DLG2: variants seen among roughly 807,000 people sequenced by gnomAD.
The protein encoded by DLG2 is discs large MAGUK scaffold protein 2, also known as disks large homolog 2.
A neutral mutation model predicts 132.5 loss-of-function variants in DLG2; 45 were observed. That is an observed-to-expected ratio of 0.34 (90% confidence interval 0.27 to 0.44). The LOEUF is 0.44. Among genes scored for constraint, DLG2 ranks in the 20% least tolerant of loss-of-function variants. The probability of loss-of-function intolerance (pLI) is 1.00; values close to 1 mark genes in which losing one functional copy is unlikely to be tolerated. For missense variants in DLG2, 1,045 were observed against 1,196.9 expected, an observed-to-expected ratio of 0.87 and a Z score of 1.87; for synonymous variants, 424 against 419.6, an observed-to-expected ratio of 1.01 and a Z score of -0.13.
In DLG2 at chr11:84,921,372, T is replaced by C. The variant is rs2092750153; in HGVS notation, c.357+190289A>G. Among the ~76,000 whole-genome samples the C allele has an allele frequency of 2.6e-5, 4 of 152,170 alleles. No homozygotes were observed. The South Asian group carries it at 8.3e-4, about 31-fold the overall frequency. On this transcript the variant is annotated intron_variant, in intron 6 of 27. Transcript: ENST00000376104. ...TGCATATGGTCTCAATTTCTATCAA[T>C]CAATACATAAGAAGTATATCTCAGT...
intron 4 of DLG2, among the ~76,000 whole-genome samples, chr11:85,281,792 G>C (rs1027026774): frequency 6.6e-6 from 1 of 151,916 alleles, no homozygotes; most frequent in Non-Finnish European, 1.5e-5. Flanking sequence ...TATAGAGAAC[G>C]GTATGGAGGT....
chr11:84,046,326 A>G (rs1221983153), intron 11 of DLG2, among the ~76,000 whole-genome samples: 1 of 151,676 alleles, frequency 6.6e-6, no homozygotes, highest in Non-Finnish European at 1.5e-5. Context: ...GAGAGAGATC[A>G]GAATATTTGA....
chr11:85,512,273 G>A (rs964615930), intron 3 of DLG2, among the ~76,000 whole-genome samples: 1 of 152,040 alleles, frequency 6.6e-6, no homozygotes, highest in Non-Finnish European at 1.5e-5. Flanking sequence ...ACACTACTAA[G>A]GGGTTCTCAT....
intron 6 of DLG2, among the ~76,000 whole-genome samples, chr11:84,641,119 T>G (rs1209849117): frequency 6.6e-6 from 1 of 152,184 alleles, no homozygotes; most frequent in Non-Finnish European, 1.5e-5. Context: ...CTTAACACTG[T>G]TAACAGTACA....
rs114006732 is a variant in DLG2 at position 85,235,581 on chromosome 11, C to T, written c.186+49639G>A. 4.2e-3 allele frequency among the ~76,000 whole-genome samples: 640 copies of T among 151,722 alleles called. 4 individuals are homozygous for T. The highest frequency in any genetic ancestry group is 0.015 in the African/African-American group (602 of 41,428). ...TTTTAACAAGGGAGTTGGGGGAAGA[C>T]GGGAACAGAAAGAATTACATGTAGA... On this transcript the variant is annotated intron_variant, in intron 4 of 27. Coordinates refer to ENST00000376104, the MANE Select transcript of DLG2 (RefSeq NM_001142699.3).
intron 7 of DLG2, among the ~76,000 whole-genome samples, chr11:84,503,034 T>C (rs545995819): frequency 1.3e-5 from 2 of 152,318 alleles, no homozygotes; most frequent in South Asian, 4.1e-4. Flanking sequence ...AGAGATTCTC[T>C]TGTAATACAT....
At chr11:83,664,136 G>C (rs1423691632) in intron 18 of DLG2, among the ~76,000 whole-genome samples, 2 of 152,172 alleles carry the variant, frequency 1.3e-5, no homozygotes, top group Non-Finnish European at 2.9e-5. Context: ...CCATGTTATG[G>C]ATTCAGTGAA....
At chr11:84,681,742 C>A (rs527732726) in intron 6 of DLG2, among the ~76,000 whole-genome samples, 1 of 152,092 alleles carries the variant, frequency 6.6e-6, no homozygotes, top group East Asian at 1.9e-4. Flanking sequence ...TAAAGTCACG[C>A]CCCTGCTGAG....
At chr11:84,150,688 C>T (rs751109263) in intron 9 of DLG2, among the ~76,000 whole-genome samples, 45 of 152,036 alleles carry the variant, frequency 3.0e-4, no homozygotes, top group Non-Finnish European at 6.0e-4. Context: ...TTGTCTTATT[C>T]CAGTTCTCAA....
chr11:83,765,960 A>G (rs983302220), intron 18 of DLG2, among the ~76,000 whole-genome samples: 2 of 152,222 alleles, frequency 1.3e-5, no homozygotes, highest in Non-Finnish European at 1.5e-5. Flanking sequence ...TTGACAGCAT[A>G]CAATGTCCAT....
chr11:83,672,709 T>C (rs2077032017), intron 18 of DLG2, among the ~76,000 whole-genome samples: 2 of 152,208 alleles, frequency 1.3e-5, no homozygotes, highest in African/African-American at 2.4e-5. Flanking sequence ...TGTGTTTGTG[T>C]TGAGGCATCA....
intron 18 of DLG2, among the ~76,000 whole-genome samples, chr11:83,776,057 A>C (rs1473427412): frequency 6.6e-6 from 1 of 152,150 alleles, no homozygotes; most frequent in Non-Finnish European, 1.5e-5. Flanking sequence ...GTGCCACTGC[A>C]CTCCAGCCTG....
At chr11:83,647,745 T>C (rs887302729) in intron 18 of DLG2, 3 of 152,208 alleles carry the variant, frequency 2.0e-5, no homozygotes, top group Non-Finnish European at 2.9e-5. Flanking sequence ...CCTATTTAAA[T>C]TCCTTAATTG....
intron 3 of DLG2, among the ~76,000 whole-genome samples, chr11:85,462,618 A>G (rs1456747604): frequency 2.0e-5 from 3 of 151,094 alleles, no homozygotes; most frequent in Admixed American, 1.3e-4. Context: ...ACATGGACAC[A>G]GGAAGGGGAA....
intron 6 of DLG2, among the ~76,000 whole-genome samples, chr11:84,998,913 TTCTC>T (rs1336181591): frequency 6.6e-6 from 1 of 152,034 alleles, no homozygotes; most frequent in South Asian, 2.1e-4. Flanking sequence ...ACAGTGAGGA[TTCTC>T]TCTGTTTTCA....
intron 14 of DLG2, among the ~76,000 whole-genome samples, chr11:83,955,126 T>C (rs1469078242): frequency 6.6e-6 from 1 of 152,228 alleles, no homozygotes; most frequent in African/African-American, 2.4e-5. Flanking sequence ...CAGGTACTTA[T>C]TTTTGCCAAG....
chr11:83,598,774 A>G (rs1049329423), intron 19 of DLG2, among the ~76,000 whole-genome samples: 4 of 152,372 alleles, frequency 2.6e-5, no homozygotes, highest in African/African-American at 7.2e-5. Flanking sequence ...CTGCTTTAGC[A>G]AACAGAGTAT....
At chr11:84,060,443 T>C (rs944537022) in intron 10 of DLG2, among the ~76,000 whole-genome samples, 3 of 152,118 alleles carry the variant, frequency 2.0e-5, no homozygotes, top group Admixed American at 6.5e-5. Context: ...GAAGTTCAGA[T>C]TTACAAAGTT....
intron 6 of DLG2, among the ~76,000 whole-genome samples, chr11:84,550,738 G>T (rs1592153653): frequency 6.6e-6 from 1 of 152,132 alleles, no homozygotes; most frequent in African/African-American, 2.4e-5. Flanking sequence ...CTAGTGGGAA[G>T]CACCATTATT....
Sources: gnomAD v4.1 joint callset for allele counts (sites outside exome capture counted in the v4.1 genomes callset) on GRCh38, gnomAD v4.1.1 for gene constraint, MANE v1.5 for transcripts, NCBI Gene and HGNC (gene_info 2026-07-23, HGNC 2026-07-21) for gene names.